The following DNAH6 variants were observed in gnomAD, a reference collection of about 807,000 sequenced individuals.
DNAH6 encodes the protein dynein axonemal heavy chain 6.
In DNAH6, 340 loss-of-function variants were observed where a neutral mutation model predicts 491.4. The ratio of observed to expected loss-of-function variants is 0.69; its 90% CI spans 0.63 to 0.76. DNAH6 has a LOEUF of 0.76. Ranked by LOEUF, DNAH6 falls within the 30% of genes least tolerant of loss-of-function variation. The probability of loss-of-function intolerance (pLI) is 0.00; values close to 1 mark genes in which losing one functional copy is unlikely to be tolerated. For synonymous variants in DNAH6, 1,603 were observed against 1,686.1 expected, an observed-to-expected ratio of 0.95 and a Z score of 1.21; for missense variants, 4,443 against 4,972.2, an observed-to-expected ratio of 0.89 and a Z score of 3.20.
At chr2:84,670,896 C>T (rs1692679647) in intron 39 of DNAH6, among the ~76,000 whole-genome samples, 1 of 152,172 alleles carries the variant, frequency 6.6e-6, no homozygotes, top group Non-Finnish European at 1.5e-5. Flanking sequence ...GCTTCCCCAC[C>T]CTCCCTTATT....
intron 61 of DNAH6, among the ~76,000 whole-genome samples, chr2:84,729,793 G>A (rs138034518): frequency 7.9e-5 from 12 of 152,098 alleles, no homozygotes; most frequent in African/African-American, 1.4e-4. Flanking sequence ...TATTTGGGGT[G>A]TATTTTATAT....
rs560818108 is a variant in DNAH6, at chr2:84,579,516, T to G, written c.2077-11T>G. 1.9e-6 allele frequency: 3 copies of G among 1,612,434 alleles called. No individual in the cohort carries two copies. Among genetic ancestry groups the G allele is most frequent in the East Asian group, 4.5e-5 (2 of 44,838 alleles). On this transcript the variant is annotated splice_polypyrimidine_tract_variant and intron_variant, in intron 13 of 76. Coordinates refer to ENST00000389394, the MANE Select transcript of DNAH6 (RefSeq NM_001370.2). ...CGACTATTTACAATTCACACGGTGT[T>G]TCTTTCTTAGGTGCTAAATTTTATG...
upstream of DNAH6, among the ~76,000 whole-genome samples, chr2:84,513,341 G>A (rs1675407349): frequency 1.3e-5 from 2 of 151,972 alleles, no homozygotes; most frequent in Admixed American, 1.3e-4. Context: ...GTTGTAGGTT[G>A]TATTTGTTTG....
chr2:84,606,940 G>A (rs77901379), intron 20 of DNAH6, 36 bp from the exon 21 acceptor site: 7 of 1,538,156 alleles, frequency 4.6e-6, no homozygotes, highest in East Asian at 2.5e-5. Context: ...CACAAATACT[G>A]GGTGCTGCAT....
chr2:84,507,153 G>A, the DNAH6 span, among the ~76,000 whole-genome samples: 1 of 151,978 alleles, frequency 6.6e-6, no homozygotes, highest in Admixed American at 6.6e-5. Context: ...AAATTACCTT[G>A]GGCAGTATGG....
intron 11 of DNAH6, among the ~76,000 whole-genome samples, chr2:84,558,202 C>T (rs1391525959): frequency 1.3e-5 from 2 of 151,996 alleles, no homozygotes; most frequent in Non-Finnish European, 2.9e-5. Context: ...CCGAGGCGGG[C>T]AGATCACGAG....
At chr2:84,623,748 A>G (rs1440879528) in intron 26 of DNAH6, among the ~76,000 whole-genome samples, 2 of 152,214 alleles carry the variant, frequency 1.3e-5, no homozygotes, top group African/African-American at 4.8e-5. Flanking sequence ...TTAATTATTA[A>G]GGTAAAACTC....
At chr2:84,695,666 A>G (rs1393846552) in intron 46 of DNAH6, among the ~76,000 whole-genome samples, 1 of 152,074 alleles carries the variant, frequency 6.6e-6, no homozygotes, top group Non-Finnish European at 1.5e-5. Flanking sequence ...CCACATTTTA[A>G]TGTATATCTA....
chr2:84,777,863 G>T, intron 64 of DNAH6: 1 of 1,242,472 alleles, frequency 8.0e-7, no homozygotes, highest in Non-Finnish European at 1.2e-6. Context: ...ATTGCAGTTC[G>T]TGCTGTATTT....
At position 84,819,488 on chromosome 2, in the gene DNAH6, T is replaced by A; in HGVS notation, c.*80T>A. The A allele has an allele frequency of 1.1e-6, 1 of 878,246 alleles. No individual in the cohort carries two copies. The highest frequency in any genetic ancestry group is 1.8e-6 in the Non-Finnish European group (1 of 568,814). 54.4% of individuals were successfully genotyped at this position (878,246 alleles called of 1,614,324 possible). A position where few individuals can be genotyped will look rare whatever the true frequency, so the allele number is the denominator to read the frequency against. ...GAGCAAAAGGTTTGAATAATTTATA[T>A]GTGAGCAAAACGGTGTTAATTCTGA... On this transcript the variant is annotated 3_prime_UTR_variant, in exon 77 of 77. Transcript: ENST00000389394.
In DNAH6 at chr2:84,525,543, CAT is replaced by C. The variant is rs533791643; in HGVS notation, c.226-21_226-20del. On this transcript the variant is annotated intron_variant, in intron 2 of 76. Transcript: ENST00000389394. ...TTATACGAATGTTAATAAAAATTAACATGTCTCTCTATTTCCCAAAGCCAGTG... is the reference window on the plus strand; with the variant it reads ...TTATACGAATGTTAATAAAAATTAACGTCTCTCTATTTCCCAAAGCCAGTG... 5.2e-6 allele frequency: 8 copies of C among 1,524,722 alleles called. No homozygotes were observed. The highest frequency in any genetic ancestry group is 5.1e-5 in the South Asian group (4 of 78,350). 94.4% of individuals were successfully genotyped at this position (1,524,722 alleles called of 1,614,324 possible).
intron 11 of DNAH6, among the ~76,000 whole-genome samples, chr2:84,567,385 A>T (rs1295591461): frequency 6.6e-6 from 1 of 152,092 alleles, no homozygotes; most frequent in Non-Finnish European, 1.5e-5. Flanking sequence ...GAAGCATCAC[A>T]CTACTCAACT....
chr2:84,673,537 A>G (rs1212806241), intron 40 of DNAH6, among the ~76,000 whole-genome samples: 2 of 152,220 alleles, frequency 1.3e-5, no homozygotes, highest in East Asian at 3.9e-4. Context: ...CTAATGGGAT[A>G]GACATATATA....
At position 84,619,745 on chromosome 2, in the gene DNAH6, G is replaced by T; in HGVS notation, c.3633G>T (p.Gln1211His). 1 of 1,551,652 alleles carries T rather than the reference G, an allele frequency of 6.4e-7. No individual in the cohort carries two copies. Residue 1211 changes from glutamine (Q) to histidine (H), a missense_variant, in exon 24 of 77, where the codon CAG (glutamine) becomes CAT (histidine). By Grantham distance (24) the Gln-to-His change is conservative. Coordinates refer to ENST00000389394, the MANE Select transcript of DNAH6 (RefSeq NM_001370.2). ...LEILAQTRNP[Q>H]AVQPHLRKCF... is the part of the protein sequence containing the mutation. ...TTTTGGCCCAGACACGAAATCCACA[G>T]GCCGTGCAGCCACACTTAAGGAAAT... is the stretch of plus-strand genomic sequence containing the variant.
rs571254296 is a variant in DNAH6 at position 84,670,199 on chromosome 2, G to A, written c.6307-129G>A. 3.2e-5 allele frequency: 20 copies of A among 620,938 alleles called. No homozygotes were observed. The East Asian group carries it at 4.3e-4, about 13-fold the overall frequency. 38.5% of individuals were successfully genotyped at this position (620,938 alleles called of 1,614,324 possible). On this transcript the variant is annotated intron_variant, in intron 38 of 76. Coordinates refer to ENST00000389394, the MANE Select transcript of DNAH6 (RefSeq NM_001370.2). The stretch of plus-strand genomic sequence containing the variant: ...TAAATGGAATCTCCAGTAAGAGAAA[G>A]CAGACATTTCAATCTGGCTTTAACC...
intron 15 of DNAH6, among the ~76,000 whole-genome samples, chr2:84,585,230 A>G (rs978164126): frequency 5.9e-5 from 9 of 152,184 alleles, no homozygotes; most frequent in African/African-American, 1.9e-4. Flanking sequence ...AAACACATCT[A>G]TGTATCCACT....
At position 84,577,364 on chromosome 2, in the gene DNAH6, C is replaced by T. The variant is rs780221352; in HGVS notation, c.2032C>T (p.Leu678Phe). ...NVGLLLIDTR[L>F]LREKLIPSPL... ...AGGATTGCTGCTCATTGATACTAGG[C>T]TTCTAAGAGAAAAATTAATTCCATC... Residue 678 changes from leucine (L) to phenylalanine (F), a missense_variant, in exon 13 of 77, where the codon CTT becomes TTT. Transcript: ENST00000389394. 6.2e-7 allele frequency: 1 copy of T among 1,610,672 alleles called. No individual in the cohort carries two copies. Among genetic ancestry groups the T allele is most frequent in the Non-Finnish European group, 8.5e-7 (1 of 1,178,294 alleles).
upstream of DNAH6, among the ~76,000 whole-genome samples, chr2:84,511,889 A>G (rs1675346710): frequency 6.6e-6 from 1 of 152,078 alleles, no homozygotes; most frequent in Non-Finnish European, 1.5e-5. Flanking sequence ...ATGGTGTATA[A>G]TCCTTTGAAT....
Position 84,584,112 on chromosome 2 carries a change from A to T in DNAH6, c.2343A>T (p.Pro781=), listed in dbSNP as rs1458110940. The T allele has an allele frequency of 1.9e-6, 3 of 1,614,086 alleles. No individual in the cohort carries two copies. Among genetic ancestry groups the T allele is most frequent in the African/African-American group, 2.7e-5 (2 of 74,944 alleles). ...EDFAVFATMK[P]SIVAVRNAID... is the part of the protein sequence containing the mutation. ...TTGCTGTTTTTGCAACTATGAAGCCATCCATTGTTGCTGTTCGGAATGCCA... is the reference window on the plus strand; with the variant it reads ...TTGCTGTTTTTGCAACTATGAAGCCTTCCATTGTTGCTGTTCGGAATGCCA... The change falls in exon 15 of 77, where the codon CCA becomes CCT. Residue 781 remains proline (P), a synonymous_variant. Transcript: ENST00000389394.
Sources: allele counts gnomAD v4.1 joint callset (sites outside exome capture counted in the v4.1 genomes callset), GRCh38; gene constraint gnomAD v4.1.1; transcripts MANE v1.5; gene names NCBI Gene and HGNC (gene_info 2026-07-23, HGNC 2026-07-21).